Variants in ASPH observed in about 807,000 individuals in gnomAD.
ASPH encodes aspartate beta-hydroxylase.
ASPH carries 100 observed loss-of-function variants against 118.4 expected under a neutral mutation model. That is an observed-to-expected ratio of 0.84 (90% CI 0.72 to 1.00). ASPH has a LOEUF of 1.00. Ranked by LOEUF, ASPH falls within the 50% of genes least tolerant of loss-of-function variation. The probability of loss-of-function intolerance (pLI) is 0.00; values close to 1 mark genes in which losing one functional copy is unlikely to be tolerated. For synonymous variants in ASPH, 315 were observed against 325.6 expected (o/e 0.97, Z 0.35); for missense variants, 920 against 919.5 (o/e 1.00, Z -0.01).
chr8:61,593,134 A>G (rs1255494740), intron 14 of ASPH, among the ~76,000 whole-genome samples: 1 of 152,256 alleles, frequency 6.6e-6, no homozygotes, highest in East Asian at 1.9e-4. Context: ...CTGCTCTCAT[A>G]TTGAGAGACA....
At position 61,503,400 on chromosome 8, in the gene ASPH, C is replaced by T; in HGVS notation, c.2236G>A (p.Glu746Lys). The T allele has an allele frequency of 6.2e-7, 1 of 1,612,558 alleles. No individual in the cohort carries two copies. Among genetic ancestry groups the T allele is most frequent in the South Asian group, 1.1e-5 (1 of 90,764 alleles). The stretch of plus-strand genomic sequence containing the variant: ...CTGCGTCTCTGCTGTGGTGTCAGTT[C>T]CGGATGCCACACATCCACGATGAAT... ...LIFIVDVWHP[E>K]LTPQQRRSLP... Residue 746 changes from glutamate to lysine, a missense_variant, in exon 25 of 25, where the codon GAA becomes AAA. Coordinates refer to ENST00000379454, the MANE Select transcript of ASPH (RefSeq NM_004318.4).
At chr8:61,616,548 T>A (rs1849099054) in intron 14 of ASPH, among the ~76,000 whole-genome samples, 1 of 152,188 alleles carries the variant, frequency 6.6e-6, no homozygotes, top group African/African-American at 2.4e-5. Flanking sequence ...CAGATGTGCA[T>A]GGGCTGGGTA....
At chr8:61,686,142 T>A (rs958335128) in intron 1 of ASPH, among the ~76,000 whole-genome samples, 4 of 152,210 alleles carry the variant, frequency 2.6e-5, no homozygotes, top group Admixed American at 6.5e-5. Context: ...TCATAAAGTA[T>A]GCTTACCAAA....
chr8:61,683,234 C>T (rs1828981555), intron 2 of ASPH, among the ~76,000 whole-genome samples: 1 of 151,356 alleles, frequency 6.6e-6, no homozygotes, highest in Non-Finnish European at 1.5e-5. Flanking sequence ...TAATCTGGAA[C>T]TAGATAATGC....
At chr8:61,537,322 A>C (rs1037616392) in intron 21 of ASPH, among the ~76,000 whole-genome samples, 1 of 152,208 alleles carries the variant, frequency 6.6e-6, no homozygotes, top group African/African-American at 2.4e-5. Context: ...ATAAGCAACA[A>C]ATTTCTTGAC....
chr8:61,533,005 G>A (rs1192992063), intron 21 of ASPH, among the ~76,000 whole-genome samples: 1 of 151,914 alleles, frequency 6.6e-6, no homozygotes, highest in Non-Finnish European at 1.5e-5. Flanking sequence ...ATGCCTTAAT[G>A]TAAAGGCAGG....
intron 18 of ASPH, among the ~76,000 whole-genome samples, chr8:61,558,180 G>C (rs939534549): frequency 6.6e-6 from 1 of 152,150 alleles, no homozygotes; most frequent in Non-Finnish European, 1.5e-5. Flanking sequence ...AGATAGGCAC[G>C]AAGCATGCAG....
intron 21 of ASPH, among the ~76,000 whole-genome samples, chr8:61,532,662 G>T (rs986049732): frequency 2.6e-5 from 4 of 152,138 alleles, no homozygotes; most frequent in Non-Finnish European, 4.4e-5. Flanking sequence ...AACTTTTAGT[G>T]TTGCTGTTGG....
At chr8:61,678,772 C>T (rs762582968) in intron 3 of ASPH, among the ~76,000 whole-genome samples, 2 of 152,114 alleles carry the variant, frequency 1.3e-5, no homozygotes, top group Admixed American at 1.3e-4. Context: ...CCTTGGATCT[C>T]CTGGGCCTTA....
At chr8:61,682,408 G>A (rs749192097) in intron 2 of ASPH, 9 of 1,599,742 alleles carry the variant, frequency 5.6e-6, no homozygotes, top group African/African-American at 1.3e-5. Flanking sequence ...AGTAACACAC[G>A]TAGACTTGAA....
chr8:61,662,346 C>T (rs1563452069), intron 3 of ASPH, among the ~76,000 whole-genome samples: 1 of 152,050 alleles, frequency 6.6e-6, no homozygotes, highest in Admixed American at 6.5e-5. Context: ...ATTTTTAGTA[C>T]TTAATTTTCC....
intron 22 of ASPH, among the ~76,000 whole-genome samples, chr8:61,518,707 T>G (rs1563671332): frequency 6.6e-6 from 1 of 152,220 alleles, no homozygotes; most frequent in African/African-American, 2.4e-5. Flanking sequence ...CATCATCTGT[T>G]TACAAGATGA....
intron 21 of ASPH, among the ~76,000 whole-genome samples, chr8:61,546,558 A>G (rs1694562242): frequency 6.6e-6 from 1 of 152,224 alleles, no homozygotes. Flanking sequence ...TGGAACTTTA[A>G]AAAATCAATC....
chr8:61,548,064 T>C lies in ASPH; in HGVS notation c.1764+7A>G. ...TCTGGTGAGGATGATGTCTAAGTTA[T>C]ACTTACCTTTACTAACTCTGTGTAG... is the stretch of plus-strand genomic sequence containing the variant. On this transcript the variant is annotated splice_region_variant and intron_variant, in intron 21 of 24. Coordinates refer to ENST00000379454, the MANE Select transcript of ASPH (RefSeq NM_004318.4). 1 of 1,612,358 alleles carries C rather than the reference T, an allele frequency of 6.2e-7. No homozygotes were observed. The highest frequency in any genetic ancestry group is 8.5e-7 in the Non-Finnish European group (1 of 1,179,076).
intron 1 of ASPH, among the ~76,000 whole-genome samples, chr8:61,685,663 T>C (rs980091162): frequency 6.6e-6 from 1 of 152,084 alleles, no homozygotes; most frequent in African/African-American, 2.4e-5. Flanking sequence ...AAAGGATATA[T>C]GCATTTTTTA....
chr8:61,550,013 A>T (rs184938447), intron 20 of ASPH, among the ~76,000 whole-genome samples: 60 of 152,324 alleles, frequency 3.9e-4, no homozygotes, highest in African/African-American at 1.3e-3. Context: ...CAAAGTAAGT[A>T]ATCCTGCATC....
At chr8:61,621,236 T>G (rs1411609486) in intron 13 of ASPH, among the ~76,000 whole-genome samples, 1 of 152,002 alleles carries the variant, frequency 6.6e-6, no homozygotes, top group Non-Finnish European at 1.5e-5. Context: ...CTGAGACTCA[T>G]TTCGGATATG....
intron 1 of ASPH, among the ~76,000 whole-genome samples, chr8:61,695,837 C>A (rs1272105582): frequency 4.6e-5 from 7 of 152,148 alleles, no homozygotes. Context: ...TATGAGTAAT[C>A]AAACTTCTTC....
At chr8:61,642,854 A>AT (rs778679069) in intron 10 of ASPH, 34 bp downstream of exon 10, 30 of 1,514,926 alleles carry the variant, frequency 2.0e-5, no homozygotes, top group Non-Finnish European at 2.6e-5. Flanking sequence ...TCAAAAAAAA[A>AT]AAGAAAAAAA....
Sources: gnomAD v4.1 joint callset for allele counts (sites outside exome capture counted in the v4.1 genomes callset) on GRCh38, gnomAD v4.1.1 for gene constraint, MANE v1.5 for transcripts, NCBI Gene and HGNC (gene_info 2026-07-23, HGNC 2026-07-21) for gene names.